The following GSG1L variants were observed in gnomAD, a reference collection of about 807,000 sequenced individuals.
The protein encoded by GSG1L is germ cell-specific gene 1-like protein.
GSG1L carries 24 observed loss-of-function variants against 42.1 expected under a neutral mutation model. The observed-to-expected ratio is 0.57, with a 90% CI of 0.41 to 0.80. The LOEUF is 0.80. GSG1L is among the 30% of genes least tolerant of loss of function. GSG1L has a pLI of 0.00. For missense variants in GSG1L, 445 were observed against 472.2 expected (o/e 0.94, Z 0.53); for synonymous variants, 215 against 203.5 (o/e 1.06, Z -0.48).
At chr16:27,836,822 C>CTAT (rs1567477987) in intron 4 of GSG1L, among the ~76,000 whole-genome samples, 1 of 152,232 alleles carries the variant, frequency 6.6e-6, no homozygotes, top group East Asian at 1.9e-4. Flanking sequence ...CAGCATGGAT[C>CTAT]TATTGATTGT....
At position 27,934,716 on chromosome 16, in the gene GSG1L, C is replaced by T. The variant is rs148799974; in HGVS notation, c.397+28440G>A. On this transcript the variant is annotated intron_variant, in intron 2 of 6. Coordinates refer to ENST00000447459, the MANE Select transcript of GSG1L (RefSeq NM_001109763.2). ...GGTTCAAATTCTGGCTCTGTCATTT[C>T]GCGGTTGTGCGAGGGTGTCACATGC... is the stretch of plus-strand genomic sequence containing the variant. Among the ~76,000 whole-genome samples, 286 of 152,228 alleles carry T rather than the reference C, an allele frequency of 1.9e-3. 2 individuals carry two copies. The highest frequency in any genetic ancestry group is 5.8e-3 in the African/African-American group (241 of 41,534).
rs558769575 is a variant in GSG1L at position 27,993,418 on chromosome 16, G to A, written c.350-30215C>T. The stretch of plus-strand genomic sequence containing the variant: ...GCCAAAGTGCTGGGATTACAGGCAA[G>A]AGCCACCGCACCTGGCCTAGAGTCC... On this transcript the variant is annotated intron_variant, in intron 1 of 6. Transcript: ENST00000447459. 5.9e-5 allele frequency among the ~76,000 whole-genome samples: 9 copies of A among 152,286 alleles called. No individual in the cohort carries two copies. The East Asian group carries it at 1.3e-3, about 23-fold the overall frequency.
chr16:28,046,576 G>A (rs1377309504), intron 1 of GSG1L, among the ~76,000 whole-genome samples: 3 of 151,930 alleles, frequency 2.0e-5, no homozygotes, highest in Non-Finnish European at 2.9e-5. Flanking sequence ...GGATGGTCTC[G>A]ATCTCCTGAC....
At chr16:27,986,015 G>T (rs148109094) in intron 1 of GSG1L, among the ~76,000 whole-genome samples, 36 of 152,196 alleles carry the variant, frequency 2.4e-4, no homozygotes, top group Non-Finnish European at 4.3e-4. Context: ...CTTTTGCATT[G>T]CTTTCTCCCA....
intron 1 of GSG1L, among the ~76,000 whole-genome samples, chr16:28,033,009 A>C (rs750892308): frequency 2.0e-5 from 3 of 152,178 alleles, no homozygotes; most frequent in Admixed American, 6.5e-5. Flanking sequence ...AAGGCACCCC[A>C]GTGTATTTAG....
chr16:27,961,691 T>G (rs1318056464), intron 2 of GSG1L, among the ~76,000 whole-genome samples: 1 of 152,220 alleles, frequency 6.6e-6, no homozygotes, highest in Non-Finnish European at 1.5e-5. Flanking sequence ...TGTTTCCCAG[T>G]GATCTCAATT....
At chr16:27,955,978 G>C (rs567960056) in intron 2 of GSG1L, among the ~76,000 whole-genome samples, 1 of 151,288 alleles carries the variant, frequency 6.6e-6, no homozygotes, top group Non-Finnish European at 1.5e-5. Flanking sequence ...GGGAGGGAGA[G>C]AAGAAGGAAA....
intron 3 of GSG1L, among the ~76,000 whole-genome samples, chr16:27,849,885 A>C (rs2083488678): frequency 6.6e-6 from 1 of 150,868 alleles, no homozygotes; most frequent in African/African-American, 2.4e-5. Context: ...CACAGGTGGT[A>C]TCCCTGGGAT....
chr16:27,883,851 G>T (rs2083993110), intron 3 of GSG1L, among the ~76,000 whole-genome samples: 1 of 152,172 alleles, frequency 6.6e-6, no homozygotes, highest in African/African-American at 2.4e-5. Flanking sequence ...GGAATCATCT[G>T]TCTCCATCTT....
intron 3 of GSG1L, among the ~76,000 whole-genome samples, chr16:27,868,988 G>C (rs78056537): frequency 0.017 from 2,515 of 152,234 alleles, 66 homozygotes; most frequent in African/African-American, 0.057. Flanking sequence ...TGGAGATGGG[G>C]TTGGAAGGCC....
intron 1 of GSG1L, among the ~76,000 whole-genome samples, chr16:28,020,242 C>T (rs1446717525): frequency 6.6e-6 from 1 of 152,142 alleles, no homozygotes; most frequent in African/African-American, 2.4e-5. Flanking sequence ...TGCAGGGTGC[C>T]GTCTTTGTGC....
At chr16:28,007,476 GTGGTTGGT>G (rs772976295) in intron 1 of GSG1L, among the ~76,000 whole-genome samples, 40 of 119,500 alleles carry the variant, frequency 3.3e-4, no homozygotes, top group African/African-American at 1.3e-3. Context: ...GCATGTGTGT[GTGGTTGGT>G]TGGTTGGTTG....
chr16:28,061,677 C>T (rs2086343440), intron 1 of GSG1L, among the ~76,000 whole-genome samples: 1 of 152,184 alleles, frequency 6.6e-6, no homozygotes, highest in Non-Finnish European at 1.5e-5. Flanking sequence ...AAGCTAGTGA[C>T]CAAAAACAGG....
At chr16:27,797,859 T>G (rs1029721361) in intron 6 of GSG1L, among the ~76,000 whole-genome samples, 1 of 141,676 alleles carries the variant, frequency 7.1e-6, no homozygotes, top group African/African-American at 2.6e-5. Context: ...AGAGAGAGAA[T>G]GAAATCCTGT....
At chr16:27,932,298 C>T (rs141906699) in intron 2 of GSG1L, among the ~76,000 whole-genome samples, 3,214 of 152,262 alleles carry the variant, frequency 0.021, 126 homozygotes, top group African/African-American at 0.073. Flanking sequence ...AGTGATTCAC[C>T]TGCCTCAGCC....
chr16:27,885,977 T>C (rs2084023345), intron 2 of GSG1L, among the ~76,000 whole-genome samples: 1 of 152,200 alleles, frequency 6.6e-6, no homozygotes, highest in Non-Finnish European at 1.5e-5. Context: ...CTGCATGCTT[T>C]TTGCCGGGAG....
chr16:28,035,997 A>T (rs1283377826), intron 1 of GSG1L, among the ~76,000 whole-genome samples: 1 of 152,192 alleles, frequency 6.6e-6, no homozygotes, highest in Non-Finnish European at 1.5e-5. Context: ...GAATTAGCCC[A>T]AGAGTGAGGC....
chr16:27,887,452 T>C (rs980629723), intron 2 of GSG1L, among the ~76,000 whole-genome samples: 1 of 152,202 alleles, frequency 6.6e-6, no homozygotes, highest in Non-Finnish European at 1.5e-5. Flanking sequence ...TGCCGGTCCT[T>C]TGTTCTTTCA....
chr16:27,978,952 C>A (rs6498054), intron 1 of GSG1L, among the ~76,000 whole-genome samples: 67,267 of 151,866 alleles, frequency 0.44, 15,331 homozygotes, highest in South Asian at 0.6. Flanking sequence ...TGTTTTGACA[C>A]CCACACCCTC....
Sources: allele counts gnomAD v4.1 joint callset (sites outside exome capture counted in the v4.1 genomes callset), GRCh38; gene constraint gnomAD v4.1.1; transcripts MANE v1.5; gene names NCBI Gene and HGNC (gene_info 2026-07-23, HGNC 2026-07-21).